The following DCC variants were observed in gnomAD, a reference collection of about 807,000 sequenced individuals.
DCC encodes the protein DCC netrin 1 receptor.
A neutral mutation model predicts 172.5 loss-of-function variants in DCC; 58 were observed. The ratio of observed to expected loss-of-function variants is 0.34; its 90% CI spans 0.27 to 0.42. DCC has a LOEUF of 0.42. Ranked by LOEUF, DCC falls within the 10% of genes least tolerant of loss-of-function variation. The pLI, the probability that DCC is intolerant of heterozygous loss-of-function variation, is 1.00. For synonymous variants in DCC, 709 were observed against 644.5 expected, an observed-to-expected ratio of 1.10 and a Z score of -1.52; for missense variants, 1,740 against 1,791.0, an observed-to-expected ratio of 0.97 and a Z score of 0.51.
chr18:52,812,425 A>G (rs978264288), intron 2 of DCC, among the ~76,000 whole-genome samples: 1 of 152,186 alleles, frequency 6.6e-6, no homozygotes, highest in African/African-American at 2.4e-5. Flanking sequence ...TACAACCAAC[A>G]ATTCACTTTA....
chr18:53,184,459 A>G lies in DCC; in HGVS notation c.1573+5343A>G, dbSNP rs947596694. ...AGAGCCTACTACACACCTAGGCTCT[A>G]TGGTATAGTCTACTACACACCTAGG... On this transcript the variant is annotated intron_variant, in intron 9 of 28. Transcript: ENST00000442544. 3.3e-5 allele frequency among the ~76,000 whole-genome samples: 5 copies of G among 152,110 alleles called. No homozygotes were observed. In the East Asian group the frequency reaches 7.7e-4, roughly 23 times the overall value.
intron 12 of DCC, among the ~76,000 whole-genome samples, chr18:53,281,025 G>A (rs1484350561): frequency 6.6e-6 from 1 of 152,052 alleles, no homozygotes; most frequent in Non-Finnish European, 1.5e-5. Flanking sequence ...TGAGATACCA[G>A]CAAAATGTTA....
At chr18:52,372,212 C>T (rs1221181335) in intron 1 of DCC, among the ~76,000 whole-genome samples, 1 of 152,190 alleles carries the variant, frequency 6.6e-6, no homozygotes, top group African/African-American at 2.4e-5. Flanking sequence ...AGCCTTCTTT[C>T]TGTACGAGAG....
intron 12 of DCC, among the ~76,000 whole-genome samples, chr18:53,293,027 C>G (rs1024987252): frequency 6.6e-6 from 1 of 152,086 alleles, no homozygotes; most frequent in Non-Finnish European, 1.5e-5. Context: ...AAAATAAGAG[C>G]AAAACTTTGT....
chr18:52,608,306 C>A (rs1184301825), intron 1 of DCC, among the ~76,000 whole-genome samples: 1 of 152,098 alleles, frequency 6.6e-6, no homozygotes, highest in East Asian at 1.9e-4. Context: ...GTTTTGAACA[C>A]CTTATATTCA....
chr18:52,474,122 C>T (rs1344612993), intron 1 of DCC, among the ~76,000 whole-genome samples: 2 of 152,054 alleles, frequency 1.3e-5, no homozygotes, highest in Admixed American at 1.3e-4. Flanking sequence ...GAATGGCTGA[C>T]AACTGAGCCC....
At chr18:53,292,074 C>T (rs1256429069) in intron 12 of DCC, among the ~76,000 whole-genome samples, 30 of 151,872 alleles carry the variant, frequency 2.0e-4, no homozygotes, top group Non-Finnish European at 4.1e-4. Flanking sequence ...ACACCAAACT[C>T]ACTGCTTTCT....
At chr18:53,101,825 G>C (rs1201309218) in intron 7 of DCC, among the ~76,000 whole-genome samples, 1 of 115,074 alleles carries the variant, frequency 8.7e-6, no homozygotes, top group Non-Finnish European at 2.0e-5. Flanking sequence ...GTGTGTGTGT[G>C]TATTTGTGTG....
chr18:53,042,663 C>T (rs1022605509), intron 5 of DCC, among the ~76,000 whole-genome samples: 5 of 151,950 alleles, frequency 3.3e-5, no homozygotes, highest in African/African-American at 1.2e-4. Flanking sequence ...TGAACAGACA[C>T]TTTTCAAAAG....
At chr18:52,888,994 A>G (rs2039608563) in intron 2 of DCC, among the ~76,000 whole-genome samples, 1 of 152,098 alleles carries the variant, frequency 6.6e-6, no homozygotes, top group South Asian at 2.1e-4. Context: ...ACATGTCACA[A>G]TATAATACAT....
At chr18:52,827,578 T>A (rs181446791) in intron 2 of DCC, among the ~76,000 whole-genome samples, 14 of 152,342 alleles carry the variant, frequency 9.2e-5, no homozygotes, top group African/African-American at 2.9e-4. Context: ...GAAAACAATA[T>A]TAAATGAAAA....
At chr18:53,272,799 A>G (rs1050304345) in intron 12 of DCC, among the ~76,000 whole-genome samples, 1 of 152,136 alleles carries the variant, frequency 6.6e-6, no homozygotes, top group African/African-American at 2.4e-5. Context: ...TCCTTAGAAA[A>G]CAAGCTTCAA....
At chr18:52,828,576 G>T (rs913348159) in intron 2 of DCC, among the ~76,000 whole-genome samples, 60 of 152,044 alleles carry the variant, frequency 3.9e-4, no homozygotes, top group African/African-American at 1.4e-3. Context: ...TAGTTTGATA[G>T]TCTTTGTTGT....
rs180897030 is a variant in DCC, at chr18:53,401,554, G to A, written c.2828-1232G>A. Among the ~76,000 whole-genome samples the A allele has an allele frequency of 4.2e-4, 64 of 152,156 alleles. No homozygotes were observed. In the East Asian group the frequency reaches 0.011, roughly 27 times the overall value. The stretch of plus-strand genomic sequence containing the variant: ...ACAGTGTTAATAATGTCCAGATTCT[G>A]CAATATATGACCAACAGAAGTACGA... On this transcript the variant is annotated intron_variant, in intron 18 of 28. Coordinates refer to ENST00000442544, the MANE Select transcript of DCC (RefSeq NM_005215.4).
chr18:53,465,021 G>C (rs1020990915), intron 24 of DCC, among the ~76,000 whole-genome samples: 3 of 136,128 alleles, frequency 2.2e-5, no homozygotes, highest in African/African-American at 8.2e-5. Context: ...AAAAGAAAAA[G>C]AAAACTGGTT....
intron 1 of DCC, among the ~76,000 whole-genome samples, chr18:52,735,383 T>C (rs368719578): frequency 1.3e-5 from 2 of 152,128 alleles, no homozygotes; most frequent in African/African-American, 4.8e-5. Flanking sequence ...ATTTACATGA[T>C]GTATTAGGGT....
At chr18:52,802,421 G>T (rs569547430) in intron 2 of DCC, among the ~76,000 whole-genome samples, 1 of 151,488 alleles carries the variant, frequency 6.6e-6, no homozygotes, top group South Asian at 2.1e-4. Context: ...ACAAAACAGG[G>T]TTAGCCATGC....
intron 1 of DCC, among the ~76,000 whole-genome samples, chr18:52,449,134 A>T (rs532543620): frequency 2.5e-4 from 38 of 152,318 alleles, no homozygotes; most frequent in African/African-American, 8.9e-4. Flanking sequence ...GTGTCAGGAA[A>T]ACTCCCCATT....
chr18:53,347,388 G>T (rs2057737959), intron 15 of DCC, among the ~76,000 whole-genome samples: 1 of 152,158 alleles, frequency 6.6e-6, no homozygotes, highest in Non-Finnish European at 1.5e-5. Flanking sequence ...AGAGCCAGTG[G>T]CTGTTATCAG....
Sources: allele counts gnomAD v4.1 joint callset (sites outside exome capture counted in the v4.1 genomes callset), GRCh38; gene constraint gnomAD v4.1.1; transcripts MANE v1.5; gene names NCBI Gene and HGNC (gene_info 2026-07-23, HGNC 2026-07-21).